Variants in ROS1 observed in about 807,000 individuals in gnomAD.
ROS1 encodes ROS proto-oncogene 1, receptor tyrosine kinase.
A neutral mutation model predicts 273.5 loss-of-function variants in ROS1; 263 were observed. The ratio of observed to expected loss-of-function variants is 0.96; its 90% CI spans 0.87 to 1.06. The LOEUF (loss-of-function observed/expected upper bound fraction) is 1.06. Among genes scored for constraint, ROS1 ranks in the 50% least tolerant of loss-of-function variants. The pLI, the probability that ROS1 is intolerant of heterozygous loss-of-function variation, is 0.00. For synonymous variants in ROS1, 1,008 were observed against 954.1 expected (o/e 1.06, Z -1.04); for missense variants, 2,833 against 2,751.1 (o/e 1.03, Z -0.67).
intron 16 of ROS1, among the ~76,000 whole-genome samples, chr6:117,383,999 A>C (rs1196502061): frequency 1.3e-5 from 2 of 152,220 alleles, no homozygotes; most frequent in Non-Finnish European, 2.9e-5. Flanking sequence ...CATTAAGCTT[A>C]TGAAGGATTT....
intron 29 of ROS1, 149 bp from the exon 30 acceptor site, chr6:117,341,781 C>T (rs17632578): frequency 0.11 from 73,618 of 641,612 alleles, 4,764 homozygotes; most frequent in Middle Eastern, 0.17. Context: ...CTTCTATAAT[C>T]GTAGGTTAAC....
chr6:117,362,691 C>T lies in ROS1; in HGVS notation c.3278G>A (p.Cys1093Tyr). The change falls in exon 22 of 44, where the codon TGT (cysteine) becomes TAT (tyrosine). Residue 1093 changes from cysteine (C) to tyrosine (Y), a missense_variant. By Grantham distance (194) the Cys-to-Tyr change is radical. Transcript: ENST00000368507. ...GACATTGACAGCAATCCAGTCTTCACATGTTTTGTTTGTAATACTTTGATT... is the reference window on the plus strand; with the variant it reads ...GACATTGACAGCAATCCAGTCTTCATATGTTTTGTTTGTAATACTTTGATT... ...ISNQSITNKT[C>Y]EDWIAVNVTP... The T allele has an allele frequency of 1.9e-6, 3 of 1,613,390 alleles. No homozygotes were observed. Among genetic ancestry groups the T allele is most frequent in the Non-Finnish European group, 2.5e-6 (3 of 1,179,462 alleles).
chr6:117,394,389 C>A (rs1168770098), intron 10 of ROS1, 43 bp from the exon 11 acceptor site: 2 of 1,387,002 alleles, frequency 1.4e-6, no homozygotes, highest in Admixed American at 2.7e-5. Flanking sequence ...TATATAACAA[C>A]CAGGACAAAA....
At chr6:117,330,347 G>T (rs927062226) in intron 32 of ROS1, among the ~76,000 whole-genome samples, 1 of 152,226 alleles carries the variant, frequency 6.6e-6, no homozygotes, top group Admixed American at 6.5e-5. Context: ...CCTAGGGGGA[G>T]GGGTGGCTGC....
chr6:117,425,619 T>C lies in ROS1; in HGVS notation c.38A>G (p.Asn13Ser), dbSNP rs45606237. The C allele has an allele frequency of 2.0e-4, 318 of 1,612,304 alleles. 3 individuals carry two copies. The East Asian group carries it at 3.3e-3, about 17-fold the overall frequency. The change falls in exon 1 of 44, where the codon AAT becomes AGT. Residue 13 changes from asparagine (N) to serine (S), a missense_variant. Asn to Ser is a conservative substitution (Grantham distance 46). Coordinates refer to ENST00000368507, the MANE Select transcript of ROS1 (RefSeq NM_001378902.1). Reference sequence around the variant, plus strand: ...CCATAGGCAGCCAAGAGTTGCAAAATTGACAAGCTTCGGAATAAGACAGTA... The same window carrying C: ...CCATAGGCAGCCAAGAGTTGCAAAACTGACAAGCTTCGGAATAAGACAGTA... ...NIYCLIPKLVNFATLGCLWIS... is the reference protein window; with the variant it reads ...NIYCLIPKLVSFATLGCLWIS...
chr6:117,421,309 T>C (rs1775739197), intron 1 of ROS1, among the ~76,000 whole-genome samples: 1 of 151,130 alleles, frequency 6.6e-6, no homozygotes, highest in Admixed American at 6.6e-5. Flanking sequence ...TTTGGTTACA[T>C]GGATAAATTA....
At chr6:117,405,500 G>A (rs1449141235) in intron 5 of ROS1, among the ~76,000 whole-genome samples, 2 of 152,142 alleles carry the variant, frequency 1.3e-5, no homozygotes, top group South Asian at 2.1e-4. Context: ...ACACCTTGAA[G>A]GGGAGTCCAA....
At chr6:117,319,694 C>T (rs1450927216) in intron 37 of ROS1, among the ~76,000 whole-genome samples, 174 bp downstream of exon 37, 3 of 152,050 alleles carry the variant, frequency 2.0e-5, no homozygotes, top group Admixed American at 1.3e-4. Flanking sequence ...AACAATGTTC[C>T]TATGTAGGAA....
chr6:117,404,710 C>A lies in ROS1; in HGVS notation c.317-282G>T, dbSNP rs138299607. On this transcript the variant is annotated intron_variant, in intron 5 of 43. Transcript: ENST00000368507. ...GGCAGATGACACAGAGGGTTCTGAG[C>A]TGTCCAGTTTTCTCTTTCAATACCA... 5.0e-3 allele frequency among the ~76,000 whole-genome samples: 763 copies of A among 152,302 alleles called. 11 individuals carry two copies. Among genetic ancestry groups the A allele is most frequent in the African/African-American group, 0.018 (733 of 41,576 alleles).
chr6:117,394,231 A>C lies in ROS1; in HGVS notation c.1122T>G (p.Gly374=). 1 of 1,609,658 alleles carries C rather than the reference A, an allele frequency of 6.2e-7. No individual in the cohort carries two copies. Among genetic ancestry groups the C allele is most frequent in the Non-Finnish European group, 8.5e-7 (1 of 1,178,186 alleles). ...DVSDLRIFYR[G]SGLISSISID... ...TGGAGATAGAAGAAATTAATCCTGA[A>C]CCTCTGTAAAAAATTCTCAGGTCAG... Residue 374 remains glycine (G), a synonymous_variant, in exon 11 of 44, where the codon GGT becomes GGG. Coordinates refer to ENST00000368507, the MANE Select transcript of ROS1 (RefSeq NM_001378902.1).
chr6:117,356,338 A>C (rs1281745606), intron 26 of ROS1, among the ~76,000 whole-genome samples: 2 of 152,206 alleles, frequency 1.3e-5, no homozygotes. Context: ...TATGAAGATT[A>C]AATAAAATAA....
At chr6:117,388,141 A>C (rs566294646) in intron 13 of ROS1, 149 bp from the exon 14 acceptor site, 1 of 1,235,036 alleles carries the variant, frequency 8.1e-7, no homozygotes, top group African/African-American at 1.5e-5. Context: ...ACCAGGGATC[A>C]TTTGTTGATG....
In ROS1 at chr6:117,389,951, T is replaced by C. The variant is rs1228560410; in HGVS notation, c.1290-105A>G. On this transcript the variant is annotated intron_variant, in intron 12 of 43. Transcript: ENST00000368507. The stretch of plus-strand genomic sequence containing the variant: ...TGTTGCACAATCAGAACTATGTATC[T>C]CTGATGTTGCTAAGTACAGGATTTT... 6 of 1,004,156 alleles carry C rather than the reference T, an allele frequency of 6.0e-6. No homozygotes were observed. The African/African-American group carries it at 9.7e-5, about 16-fold the overall frequency. The allele number at this position is 1,004,156 out of a possible 1,614,324, so 62.2% of individuals were successfully genotyped here.
intron 4 of ROS1, among the ~76,000 whole-genome samples, chr6:117,411,855 G>T (rs1361546342): frequency 1.3e-5 from 2 of 152,168 alleles, no homozygotes; most frequent in African/African-American, 2.4e-5. Context: ...TTAGAAGGAG[G>T]TAGATAATAA....
intron 28 of ROS1, among the ~76,000 whole-genome samples, chr6:117,343,051 G>A (rs189257726): frequency 1.3e-5 from 2 of 151,058 alleles, no homozygotes; most frequent in East Asian, 3.9e-4. Flanking sequence ...TTCTGATTGA[G>A]TTATCTGGGG....
intron 21 of ROS1, among the ~76,000 whole-genome samples, 155 bp downstream of exon 21, chr6:117,364,905 C>T (rs553213378): frequency 5.0e-4 from 76 of 152,256 alleles, no homozygotes; most frequent in Middle Eastern, 3.4e-3. Flanking sequence ...ATGTTAATGA[C>T]GCTATTCTAA....
rs755725202 is a variant in ROS1, at chr6:117,288,535, T to C, written c.6983A>G (p.Tyr2328Cys). Reference sequence around the variant, plus strand: ...ATATCCACTGTGAGTGAGACAGGCATAGTTCAGGCCTTCAGGCTTGCCAGA... The same window carrying C: ...ATATCCACTGTGAGTGAGACAGGCACAGTTCAGGCCTTCAGGCTTGCCAGA... ...CPSGKPEGLN[Y>C]ACLTHSGYGD... is the part of the protein sequence containing the mutation. Residue 2328 changes from tyrosine (Y) to cysteine (C), a missense_variant, in exon 44 of 44, where the codon TAT becomes TGT. Physicochemically the swap from Tyr to Cys is radical, Grantham distance 194 (BLOSUM62 -2). Transcript: ENST00000368507. 1.2e-6 allele frequency: 2 copies of C among 1,614,132 alleles called. No homozygotes were observed. The highest frequency in any genetic ancestry group is 1.7e-6 in the Non-Finnish European group (2 of 1,180,022).
Position 117,365,127 on chromosome 6 carries a change from A to G in ROS1, c.3036T>C (p.Ser1012=), listed in dbSNP as rs924925823. 19 of 1,613,630 alleles carry G rather than the reference A, an allele frequency of 1.2e-5. No homozygotes were observed. The highest frequency in any genetic ancestry group is 1.5e-5 in the Non-Finnish European group (18 of 1,179,674). The part of the protein sequence containing the change: ...GLEPYALFNL[S]VTPYTYWGKG... ...TTCCCCAGTAGGTATAAGGAGTGAC[A>G]GAAAGATTAAATAAGGCATAAGGTT... Residue 1012 remains serine (S), a synonymous_variant, in exon 21 of 44, where the codon TCT becomes TCC. Coordinates refer to ENST00000368507, the MANE Select transcript of ROS1 (RefSeq NM_001378902.1).
intron 18 of ROS1, among the ~76,000 whole-genome samples, chr6:117,372,276 G>A (rs146780779): frequency 2.6e-5 from 4 of 152,108 alleles, no homozygotes; most frequent in Non-Finnish European, 5.9e-5. Flanking sequence ...GAAAGAAAGG[G>A]CATCCAAATC....
Sources: gnomAD v4.1 joint callset for allele counts (sites outside exome capture counted in the v4.1 genomes callset) on GRCh38, gnomAD v4.1.1 for gene constraint, MANE v1.5 for transcripts, NCBI Gene and HGNC (gene_info 2026-07-23, HGNC 2026-07-21) for gene names.